The following MAN2A1 variants were observed in gnomAD, a reference collection of about 807,000 sequenced individuals.
The protein encoded by MAN2A1 is alpha-mannosidase 2.
A neutral mutation model predicts 142.6 loss-of-function variants in MAN2A1; 76 were observed. The ratio of observed to expected loss-of-function variants is 0.53; its 90% CI spans 0.44 to 0.65. The LOEUF is 0.65. Ranked by LOEUF, MAN2A1 falls within the 30% of genes least tolerant of loss-of-function variation. MAN2A1 has a pLI of 0.00. For missense variants in MAN2A1, 1,311 were observed against 1,365.1 expected (o/e 0.96, Z 0.62); for synonymous variants, 559 against 473.2 (o/e 1.18, Z -2.35).
Position 109,867,032 on chromosome 5 carries a change from G to A in MAN2A1, c.*34G>A. On this transcript the variant is annotated 3_prime_UTR_variant, in exon 22 of 22. Transcript: ENST00000261483. ...TTCACATTTGGATTGAGAATCATTGGCTTTTATACCTTTCTTGGTTTGACG... is the reference window on the plus strand; with the variant it reads ...TTCACATTTGGATTGAGAATCATTGACTTTTATACCTTTCTTGGTTTGACG... 1 of 1,581,846 alleles carries A rather than the reference G, an allele frequency of 6.3e-7. No individual in the cohort carries two copies. The highest frequency in any genetic ancestry group is 1.4e-5 in the African/African-American group (1 of 74,024).
At chr5:109,837,788 T>C (rs1018594059) in intron 16 of MAN2A1, among the ~76,000 whole-genome samples, 1 of 152,242 alleles carries the variant, frequency 6.6e-6, no homozygotes, top group African/African-American at 2.4e-5. Context: ...AGGGAACTTA[T>C]ATTCTAACAT....
intron 16 of MAN2A1, among the ~76,000 whole-genome samples, chr5:109,833,935 A>G (rs1754996370): frequency 6.6e-6 from 1 of 152,192 alleles, no homozygotes; most frequent in South Asian, 2.1e-4. Flanking sequence ...TTAGTCATTA[A>G]AGTCCAGTCA....
chr5:109,842,177 A>G, intron 16 of MAN2A1, 151 bp from the exon 17 acceptor site: 1 of 483,474 alleles, frequency 2.1e-6, no homozygotes, highest in Non-Finnish European at 3.6e-6. Flanking sequence ...GAAAAGTTAA[A>G]TTGTCATAGC....
chr5:109,816,326 A>G (rs1282655896), intron 12 of MAN2A1, among the ~76,000 whole-genome samples: 1 of 152,224 alleles, frequency 6.6e-6, no homozygotes, highest in Non-Finnish European at 1.5e-5. Flanking sequence ...TTGTGTCCCA[A>G]ATTTCAGTTC....
chr5:109,833,931 A>G (rs772764410), intron 16 of MAN2A1, among the ~76,000 whole-genome samples: 8 of 152,204 alleles, frequency 5.3e-5, no homozygotes, highest in Non-Finnish European at 1.0e-4. Flanking sequence ...TTGCTTAGTC[A>G]TTAAAGTCCA....
intron 1 of MAN2A1, among the ~76,000 whole-genome samples, chr5:109,696,898 G>A (rs1750829293): frequency 6.6e-6 from 1 of 152,136 alleles, no homozygotes; most frequent in African/African-American, 2.4e-5. Context: ...TACACATTTA[G>A]GATTCTAGAT....
At chr5:109,738,236 T>G (rs1295257748) in intron 4 of MAN2A1, among the ~76,000 whole-genome samples, 2 of 144,128 alleles carry the variant, frequency 1.4e-5, no homozygotes, top group South Asian at 2.1e-4. Flanking sequence ...ATTTTATGTT[T>G]TTTTTTTTTT....
rs1461967624 is a variant in MAN2A1, at chr5:109,732,837, G to A, written c.707+3324G>A. ...GTTCTTTTGGCTTAGGATTGACTTGGCGATGCGGGCTCTTTTTTGGTTCCA... is the reference window on the plus strand; with the variant it reads ...GTTCTTTTGGCTTAGGATTGACTTGACGATGCGGGCTCTTTTTTGGTTCCA... On this transcript the variant is annotated intron_variant, in intron 4 of 21. Transcript: ENST00000261483. 2.6e-5 allele frequency among the ~76,000 whole-genome samples: 4 copies of A among 151,578 alleles called. No homozygotes were observed. The South Asian group carries it at 6.3e-4, about 24-fold the overall frequency.
At chr5:109,729,249 C>G (rs989197529) in intron 3 of MAN2A1, 93 bp from the exon 4 acceptor site, 1 of 726,946 alleles carries the variant, frequency 1.4e-6, no homozygotes, top group Non-Finnish European at 2.2e-6. Context: ...AATGAAAATT[C>G]TAACGATGTC....
intron 4 of MAN2A1, among the ~76,000 whole-genome samples, chr5:109,749,426 T>C (rs924223946): frequency 1.3e-5 from 2 of 152,174 alleles, no homozygotes; most frequent in Non-Finnish European, 1.5e-5. Context: ...TTTCTCATCA[T>C]TGAAATAGAA....
intron 12 of MAN2A1, among the ~76,000 whole-genome samples, chr5:109,805,821 A>G (rs1474789532): frequency 1.3e-5 from 2 of 152,222 alleles, no homozygotes; most frequent in African/African-American, 4.8e-5. Flanking sequence ...TGAGGAAGAG[A>G]CTACTGTGGA....
intron 2 of MAN2A1, among the ~76,000 whole-genome samples, chr5:109,715,717 C>T (rs1010002333): frequency 4.6e-5 from 7 of 151,962 alleles, no homozygotes; most frequent in African/African-American, 1.4e-4. Context: ...ATAAAGATAG[C>T]ACAAAGTAAA....
At chr5:109,820,511 C>G (rs558660467) in intron 15 of MAN2A1, among the ~76,000 whole-genome samples, 169 bp downstream of exon 15, 2 of 152,030 alleles carry the variant, frequency 1.3e-5, no homozygotes, top group Non-Finnish European at 2.9e-5. Context: ...AATTTGTAGT[C>G]GAAAGTTAGA....
At chr5:109,829,346 G>A (rs1017912714) in intron 16 of MAN2A1, among the ~76,000 whole-genome samples, 3 of 152,176 alleles carry the variant, frequency 2.0e-5, no homozygotes, top group Non-Finnish European at 4.4e-5. Context: ...GAATGAGCAG[G>A]AGCATTATGG....
Position 109,704,305 on chromosome 5 carries a change from A to G in MAN2A1, c.136-9215A>G, listed in dbSNP as rs1751068459. 3.3e-5 allele frequency among the ~76,000 whole-genome samples: 5 copies of G among 152,212 alleles called. No individual in the cohort carries two copies. The South Asian group carries it at 1.0e-3, about 32-fold the overall frequency. On this transcript the variant is annotated intron_variant, in intron 1 of 21. Transcript: ENST00000261483. ...AAAATGATTTGCCTGGGCAAAGAGT[A>G]TATTGCTTCTGCAATTTGGTAAGGT...
In MAN2A1 at chr5:109,729,936, G is replaced by A. The variant is rs1388290743; in HGVS notation, c.707+423G>A. Among the ~76,000 whole-genome samples, 3 of 152,124 alleles carry A rather than the reference G, an allele frequency of 2.0e-5. No homozygotes were observed. In the East Asian group the frequency reaches 5.8e-4, roughly 29 times the overall value. On this transcript the variant is annotated intron_variant, in intron 4 of 21. Coordinates refer to ENST00000261483, the MANE Select transcript of MAN2A1 (RefSeq NM_002372.4). ...GACCCAGAAGGCAGAGGGTTGTAGT[G>A]AGCCAATATAGTGCCACTGCACTCC...
chr5:109,850,371 C>T (rs1234056718), intron 19 of MAN2A1, among the ~76,000 whole-genome samples: 1 of 151,634 alleles, frequency 6.6e-6, no homozygotes, highest in African/African-American at 2.4e-5. Context: ...TTCATTTGTC[C>T]TTATATTTGG....
intron 12 of MAN2A1, among the ~76,000 whole-genome samples, chr5:109,793,560 A>T (rs1302833629): frequency 6.6e-6 from 1 of 152,090 alleles, no homozygotes; most frequent in Non-Finnish European, 1.5e-5. Context: ...CTTTGGTCTC[A>T]TATTTGGAGG....
intron 17 of MAN2A1, among the ~76,000 whole-genome samples, chr5:109,842,805 G>GTTTTTTTTTTTTTT: frequency 9.8e-6 from 1 of 102,318 alleles, no homozygotes; most frequent in African/African-American, 3.8e-5. Context: ...ATACTTATTG[G>GTTTTTTTTTTTTTT]GTTTTTTTTT....
Sources: allele counts gnomAD v4.1 joint callset (sites outside exome capture counted in the v4.1 genomes callset), GRCh38; gene constraint gnomAD v4.1.1; transcripts MANE v1.5; gene names NCBI Gene and HGNC (gene_info 2026-07-23, HGNC 2026-07-21).